The following DLG5 variants were observed in gnomAD, a reference collection of about 807,000 sequenced individuals.
DLG5 encodes the protein disks large homolog 5.
Under a neutral mutation model 189.8 loss-of-function variants are expected in DLG5, and 48 were observed. The observed-to-expected ratio is 0.25, with a 90% CI of 0.20 to 0.32. DLG5 has a LOEUF of 0.32. Ranked by LOEUF, DLG5 falls within the 10% of genes least tolerant of loss-of-function variation. The probability of loss-of-function intolerance (pLI) is 1.00; values close to 1 mark genes in which losing one functional copy is unlikely to be tolerated. For synonymous variants in DLG5, 1,016 were observed against 1,054.1 expected (o/e 0.96, Z 0.70); for missense variants, 2,160 against 2,544.7 (o/e 0.85, Z 3.25).
At chr10:77,803,630 T>C (rs1841326641) in intron 27 of DLG5, among the ~76,000 whole-genome samples, 2 of 152,134 alleles carry the variant, frequency 1.3e-5, no homozygotes, top group Admixed American at 6.5e-5. Flanking sequence ...CAGGAAGGTG[T>C]AACAATGCAA....
chr10:77,813,186 A>C (rs998000491), intron 20 of DLG5, among the ~76,000 whole-genome samples: 1 of 152,224 alleles, frequency 6.6e-6, no homozygotes, highest in Non-Finnish European at 1.5e-5. Context: ...ACTTCACGCC[A>C]CTCAGGGCTT....
chr10:77,800,530 C>T lies in DLG5; in HGVS notation c.5165-3936G>A, dbSNP rs905870168. ...GGGGCTGAGAACCCAGGCACGGGGC[C>T]GCCGCTGAGGGGCTGAGAACCCAGG... On this transcript the variant is annotated intron_variant, in intron 27 of 31. Coordinates refer to ENST00000372391, the MANE Select transcript of DLG5 (RefSeq NM_004747.4). Among the ~76,000 whole-genome samples, 3 of 151,732 alleles carry T rather than the reference C, an allele frequency of 2.0e-5. 1 individual carries two copies. The highest frequency in any genetic ancestry group is 2.0e-4 in the Admixed American group (3 of 15,252).
chr10:77,887,874 C>T (rs1404860767), intron 1 of DLG5, among the ~76,000 whole-genome samples: 1 of 152,194 alleles, frequency 6.6e-6, no homozygotes, highest in Non-Finnish European at 1.5e-5. Flanking sequence ...TGTGTGTGCT[C>T]ACAGCAGCAG....
At chr10:77,837,849 A>G (rs1220411860) in intron 7 of DLG5, among the ~76,000 whole-genome samples, 2 of 152,186 alleles carry the variant, frequency 1.3e-5, no homozygotes, top group Non-Finnish European at 2.9e-5. Context: ...AGGCGTGGGA[A>G]GAGATGGGCT....
At chr10:77,885,765 T>C (rs888230958) in intron 1 of DLG5, among the ~76,000 whole-genome samples, 2 of 152,194 alleles carry the variant, frequency 1.3e-5, no homozygotes, top group African/African-American at 2.4e-5. Context: ...AGCCCTCTCA[T>C]AGTTTAAGGG....
chr10:77,851,337 G>A (rs1843965657), intron 5 of DLG5, among the ~76,000 whole-genome samples: 1 of 152,216 alleles, frequency 6.6e-6, no homozygotes, highest in South Asian at 2.1e-4. Context: ...CCTGCAGGGG[G>A]AATGGGTTGT....
intron 1 of DLG5, among the ~76,000 whole-genome samples, chr10:77,879,411 C>T (rs933694541): frequency 1.2e-4 from 18 of 151,908 alleles, no homozygotes; most frequent in African/African-American, 1.5e-4. Context: ...CAGAGTGAGA[C>T]GGGAAAACTC....
chr10:77,880,851 T>C (rs895396498), intron 1 of DLG5, among the ~76,000 whole-genome samples: 2 of 151,958 alleles, frequency 1.3e-5, no homozygotes, highest in African/African-American at 4.8e-5. Flanking sequence ...CAACTCACCT[T>C]CTAGATGAAG....
At chr10:77,915,596 C>A (rs1469109720) in intron 1 of DLG5, among the ~76,000 whole-genome samples, 2 of 152,222 alleles carry the variant, frequency 1.3e-5, no homozygotes, top group Non-Finnish European at 2.9e-5. Flanking sequence ...AAGGGGCCTG[C>A]AGAAAAGAAC....
chr10:77,867,233 TGG>T (rs1807166008), intron 2 of DLG5: 7 of 385,640 alleles, frequency 1.8e-5, no homozygotes, highest in South Asian at 1.3e-4. Context: ...GTAATTGCTA[TGG>T]GTTAGGCAAA....
intron 1 of DLG5, among the ~76,000 whole-genome samples, chr10:77,918,464 C>T (rs1464412662): frequency 1.3e-5 from 2 of 151,772 alleles, no homozygotes; most frequent in Non-Finnish European, 1.5e-5. Context: ...ATTATTATCA[C>T]AATTTTGTTT....
At chr10:77,928,081 T>C (rs534773253), upstream of DLG5, 1 of 152,292 alleles carries the variant, frequency 6.6e-6, no homozygotes, top group Non-Finnish European at 1.5e-5. Flanking sequence ...GAACTCACTA[T>C]ATGGTAGAAA....
intron 24 of DLG5, among the ~76,000 whole-genome samples, chr10:77,809,272 G>A (rs1454776336): frequency 2.0e-5 from 3 of 151,940 alleles, no homozygotes; most frequent in African/African-American, 7.3e-5. Context: ...CGGGTATCGT[G>A]GCACATGCCT....
rs1371813197 is a variant in DLG5, at chr10:77,821,321, C to T, written c.3163G>A (p.Val1055Met). The change falls in exon 15 of 32, where the codon GTG (valine) becomes ATG (methionine). Residue 1055 changes from valine to methionine, a missense_variant. Coordinates refer to ENST00000372391, the MANE Select transcript of DLG5 (RefSeq NM_004747.4). ...TSPPSALPPDVDPGEPMHASP... is the reference protein window; with the variant it reads ...TSPPSALPPDMDPGEPMHASP... ...GCGTGCATGGGCTCCCCGGGGTCCA[C>T]GTCAGGGGGCAGGGCGCTCGGGGGA... is the stretch of plus-strand genomic sequence containing the variant. 5 of 1,613,270 alleles carry T rather than the reference C, an allele frequency of 3.1e-6. No individual in the cohort carries two copies. The highest frequency in any genetic ancestry group is 4.2e-6 in the Non-Finnish European group (5 of 1,180,020).
chr10:77,829,290 GC>G (rs1842791484), intron 12 of DLG5, 64 bp downstream of exon 12: 1 of 1,604,566 alleles, frequency 6.2e-7, no homozygotes, highest in Non-Finnish European at 8.5e-7. Flanking sequence ...GGCACCCCCG[GC>G]CCCTGTCCAC....
chr10:77,856,181 C>CA (rs1394574561), intron 3 of DLG5, among the ~76,000 whole-genome samples: 2 of 150,382 alleles, frequency 1.3e-5, no homozygotes, highest in Admixed American at 6.6e-5. Context: ...CCTGCTGCTA[C>CA]AAAAAAATTA....
At chr10:77,863,065 T>C (rs1564559033) in intron 2 of DLG5, among the ~76,000 whole-genome samples, 1 of 152,170 alleles carries the variant, frequency 6.6e-6, no homozygotes, top group Non-Finnish European at 1.5e-5. Flanking sequence ...GTATGTAAAT[T>C]ATATCTCAAT....
chr10:77,813,636 C>G (rs1385277200), intron 20 of DLG5, among the ~76,000 whole-genome samples: 1 of 152,176 alleles, frequency 6.6e-6, no homozygotes, highest in African/African-American at 2.4e-5. Context: ...CTACATCACC[C>G]TCCTGCCCCA....
At chr10:77,875,658 T>C (rs1564568954) in intron 1 of DLG5, among the ~76,000 whole-genome samples, 1 of 152,116 alleles carries the variant, frequency 6.6e-6, no homozygotes, top group Non-Finnish European at 1.5e-5. Context: ...CCGTGAAAGT[T>C]GCGGAGTGCT....
Sources: allele counts gnomAD v4.1 joint callset (sites outside exome capture counted in the v4.1 genomes callset), GRCh38; gene constraint gnomAD v4.1.1; transcripts MANE v1.5; gene names NCBI Gene and HGNC (gene_info 2026-07-23, HGNC 2026-07-21).